PPARD: variants seen among roughly 807,000 people sequenced by gnomAD.
The protein encoded by PPARD is peroxisome proliferator activated receptor delta, also known as peroxisome proliferator-activated receptor delta.
Under a neutral mutation model 39.5 loss-of-function variants are expected in PPARD, and 6 were observed. The ratio of observed to expected loss-of-function variants is 0.15; its 90% confidence interval spans 0.08 to 0.30. The LOEUF (loss-of-function observed/expected upper bound fraction) is 0.30, where lower values mean the gene tolerates loss of function less well. Among genes scored for constraint, PPARD ranks in the 10% least tolerant of loss-of-function variants. The pLI is 1.00. For missense variants in PPARD, 397 were observed against 596.8 expected (o/e 0.67, Z 3.49); for synonymous variants, 210 against 231.3 (o/e 0.91, Z 0.83).
At chr6:35,380,459 GT>G (rs11334296) in intron 2 of PPARD, among the ~76,000 whole-genome samples, 68,136 of 96,548 alleles carry the variant, frequency 0.71, 23,888 homozygotes, top group South Asian at 0.86. Flanking sequence ...TTAACCTCGT[GT>G]TTTTTTTTTT....
intron 2 of PPARD, among the ~76,000 whole-genome samples, chr6:35,383,862 T>C (rs1763331426): frequency 7.5e-6 from 1 of 133,800 alleles, no homozygotes; most frequent in Non-Finnish European, 1.6e-5. Context: ...ATGAGGAGCC[T>C]CTCCGCCCGG....
chr6:35,357,631 G>A (rs1188180742), intron 2 of PPARD, among the ~76,000 whole-genome samples: 1 of 151,986 alleles, frequency 6.6e-6, no homozygotes, highest in African/African-American at 2.4e-5. Context: ...CCGCCTCCCG[G>A]GTTCAAGCAA....
chr6:35,402,129 T>A (rs918737852), intron 2 of PPARD, among the ~76,000 whole-genome samples: 6 of 152,172 alleles, frequency 3.9e-5, no homozygotes, highest in African/African-American at 1.4e-4. Flanking sequence ...CCCCAGATTA[T>A]AAAGGTATCC....
intron 3 of PPARD, among the ~76,000 whole-genome samples, chr6:35,414,994 A>G (rs577147660): frequency 1.3e-5 from 2 of 152,220 alleles, no homozygotes; most frequent in Non-Finnish European, 2.9e-5. Flanking sequence ...CTGGGCGTGT[A>G]GGAGTAGAGA....
chr6:35,421,805 T>C lies in PPARD; in HGVS notation c.286-15T>C, dbSNP rs1766189638. ...CCTCCTGGTGGCCTTTCCTCACCTG[T>C]TCTTGGTGCTTCAGGGCTTCTTCCG... is the stretch of plus-strand genomic sequence containing the variant. On this transcript the variant is annotated splice_polypyrimidine_tract_variant and intron_variant, in intron 4 of 7. Coordinates refer to ENST00000360694, the MANE Select transcript of PPARD (RefSeq NM_006238.5). The C allele has an allele frequency of 6.2e-7, 1 of 1,602,594 alleles. No individual in the cohort carries two copies. The highest frequency in any genetic ancestry group is 1.3e-5 in the African/African-American group (1 of 74,794).
At chr6:35,406,572 A>G (rs895020752) in intron 2 of PPARD, among the ~76,000 whole-genome samples, 1 of 152,326 alleles carries the variant, frequency 6.6e-6, no homozygotes, top group South Asian at 2.1e-4. Context: ...TAGAACAGCC[A>G]GGCTACAGCT....
intron 2 of PPARD, among the ~76,000 whole-genome samples, chr6:35,349,899 G>A (rs1346052082): frequency 4.0e-5 from 6 of 151,714 alleles, no homozygotes; most frequent in African/African-American, 7.3e-5. Flanking sequence ...CCGCCACCAC[G>A]CCCAGCTAAT....
At chr6:35,415,409 G>T (rs1241963605) in intron 3 of PPARD, among the ~76,000 whole-genome samples, 1 of 152,234 alleles carries the variant, frequency 6.6e-6, no homozygotes, top group Non-Finnish European at 1.5e-5. Context: ...CATGACAACG[G>T]CATTCTCCCA....
In PPARD at chr6:35,345,481, G is replaced by C. The variant is rs556355656; in HGVS notation, c.-185-1586G>C. ...AAAAACAATTTTTTTGTAAAGACAGGCTCTCACAATGTCTCGAACTCCTGG... is the reference window on the plus strand; with the variant it reads ...AAAAACAATTTTTTTGTAAAGACAGCCTCTCACAATGTCTCGAACTCCTGG... On this transcript the variant is annotated intron_variant, in intron 1 of 7. Transcript: ENST00000360694. Among the ~76,000 whole-genome samples the C allele has an allele frequency of 3.9e-5, 6 of 152,140 alleles. No homozygotes were observed. In the South Asian group the frequency reaches 6.2e-4, roughly 16 times the overall value.
chr6:35,365,200 T>G (rs1215716358), intron 2 of PPARD, among the ~76,000 whole-genome samples: 1 of 142,090 alleles, frequency 7.0e-6, no homozygotes, highest in Non-Finnish European at 1.5e-5. Flanking sequence ...TGGCGCGATC[T>G]CAGCTCACTG....
intron 2 of PPARD, among the ~76,000 whole-genome samples, chr6:35,390,986 C>T (rs976607515): frequency 1.3e-5 from 2 of 151,992 alleles, no homozygotes; most frequent in African/African-American, 2.4e-5. Context: ...AGCACCACTC[C>T]GGGTGGTGAC....
intron 2 of PPARD, among the ~76,000 whole-genome samples, chr6:35,370,793 A>T (rs541314294): frequency 6.6e-6 from 1 of 152,192 alleles, no homozygotes; most frequent in Non-Finnish European, 1.5e-5. Flanking sequence ...AAATATGTGG[A>T]ATGGATGGTT....
rs1762197876 is a variant in PPARD, at chr6:35,366,054, G to A, written c.-102+18904G>A. Among the ~76,000 whole-genome samples the A allele has an allele frequency of 6.6e-6, 1 of 151,778 alleles. No homozygotes were observed. Among genetic ancestry groups the A allele is most frequent in the Non-Finnish European group, 1.5e-5 (1 of 68,038 alleles). ...TCAGCAGGCTGAGATGTTGTAGGAA[G>A]GGCAAATATGACTGAAGAAAAGAAC... is the stretch of plus-strand genomic sequence containing the variant. On this transcript the variant is annotated intron_variant, in intron 2 of 7. Transcript: ENST00000360694. The surrounding 1 kb of genome is among the most constrained non-coding windows in gnomAD (Gnocchi z 4.6).
chr6:35,348,375 C>A, intron 2 of PPARD: 1 of 985,424 alleles, frequency 1.0e-6, no homozygotes, highest in Non-Finnish European at 1.2e-6. Context: ...GTAGGAGGTT[C>A]TCACCAAGAG....
chr6:35,418,926 G>A (rs892002248), intron 3 of PPARD, among the ~76,000 whole-genome samples: 1 of 152,188 alleles, frequency 6.6e-6, no homozygotes, highest in East Asian at 1.9e-4. Flanking sequence ...GGACCCAAGG[G>A]GAAGCTGGGG....
chr6:35,416,235 A>T (rs1024032672), intron 3 of PPARD, among the ~76,000 whole-genome samples: 6 of 151,674 alleles, frequency 4.0e-5, no homozygotes, highest in African/African-American at 9.7e-5. Context: ...TACCAAAAAA[A>T]ACTAGCTGGG....
intron 2 of PPARD, among the ~76,000 whole-genome samples, chr6:35,364,537 A>C (rs1165371598): frequency 6.7e-6 from 1 of 150,120 alleles, no homozygotes; most frequent in Non-Finnish European, 1.5e-5. Context: ...TGGTTCAAGC[A>C]ATTTCCCTGC....
rs113767344 is a variant in PPARD at position 35,424,536 on chromosome 6, G to T, written c.835G>T (p.Val279Phe). The T allele has an allele frequency of 1.2e-6, 2 of 1,614,218 alleles. No homozygotes were observed. The highest frequency in any genetic ancestry group is 1.7e-6 in the Non-Finnish European group (2 of 1,180,038). ...CAGCAGCCTCTTCCTCAACGACCAG[G>T]TTACCCTTCTCAAGTATGGCGTGCA... Reference protein sequence around the residue: ...SFSSLFLNDQVTLLKYGVHEA... With the variant: ...SFSSLFLNDQFTLLKYGVHEA... The change falls in exon 7 of 8, where the codon GTT becomes TTT. Residue 279 changes from valine (V) to phenylalanine (F), a missense_variant. Val to Phe is a conservative substitution (Grantham distance 50, BLOSUM62 -1). Transcript: ENST00000360694. The surrounding 1 kb of genome is among the most constrained non-coding windows in gnomAD (Gnocchi z 7.1).
intron 2 of PPARD, among the ~76,000 whole-genome samples, chr6:35,354,771 A>G (rs1305576530): frequency 1.3e-5 from 2 of 152,194 alleles, no homozygotes; most frequent in African/African-American, 4.8e-5. Flanking sequence ...GGCAGGTTAC[A>G]TATATTACAT....
Sources: allele counts gnomAD v4.1 joint callset (sites outside exome capture counted in the v4.1 genomes callset), GRCh38; gene constraint gnomAD v4.1.1; non-coding constraint Gnocchi (gnomAD v3.1); transcripts MANE v1.5; gene names NCBI Gene and HGNC (gene_info 2026-07-23, HGNC 2026-07-21).